The following PTCH1 variants were observed in gnomAD, a reference collection of about 807,000 sequenced individuals.
PTCH1 encodes protein patched homolog 1.
In PTCH1, 14 loss-of-function variants were observed where a neutral mutation model predicts 144.6. That is an observed-to-expected ratio of 0.10 (90% CI 0.06 to 0.15). The LOEUF (loss-of-function observed/expected upper bound fraction) is 0.15. PTCH1 is among the 10% of genes least tolerant of loss of function. PTCH1 has a pLI of 1.00. For missense variants in PTCH1, 1,623 were observed against 1,948.3 expected, an observed-to-expected ratio of 0.83 and a Z score of 3.14; for synonymous variants, 833 against 793.6, an observed-to-expected ratio of 1.05 and a Z score of -0.83.
rs751024812 is a variant in PTCH1, at chr9:95,485,818, C to A, written c.451G>T (p.Ala151Ser). 3.7e-6 allele frequency: 6 copies of A among 1,614,066 alleles called. No individual in the cohort carries two copies. The highest frequency in any genetic ancestry group is 3.3e-5 in the Admixed American group (2 of 60,004). The part of the protein sequence containing the change: ...NYTRQKIGEE[A>S]MFNPQLMIQT... The stretch of plus-strand genomic sequence containing the variant: ...ATCATGAGTTGAGGATTAAACATAG[C>A]CTCTTCTCCAATCTTCTGGCGAGTA... Residue 151 changes from alanine to serine, a missense_variant, in exon 3 of 24, where the codon GCT becomes TCT. Ala to Ser is a moderately conservative substitution (Grantham distance 99, BLOSUM62 1). Around this residue, in one of 7 missense-constraint regions of PTCH1, gnomAD observed 245 missense variants for 240.6 expected, o/e 1.02. Transcript: ENST00000331920.
At chr9:95,486,885 CCA>C in intron 2 of PTCH1, among the ~76,000 whole-genome samples, 1 of 152,306 alleles carries the variant, frequency 6.6e-6, no homozygotes, top group South Asian at 2.1e-4. Context: ...CTCCCCCACT[CCA>C]CAGTCTAGGG....
intron 19 of PTCH1, among the ~76,000 whole-genome samples, chr9:95,455,640 A>G (rs1838844572): frequency 6.6e-6 from 1 of 152,230 alleles, no homozygotes; most frequent in Non-Finnish European, 1.5e-5. Flanking sequence ...ATAGAGAAAA[A>G]GAGAGGGAAA....
At position 95,506,421 on chromosome 9, in the gene PTCH1, T is replaced by G; in HGVS notation, c.380A>C (p.Glu127Ala). ...KAANLETNVE[E>A]LWVEVGGRVS... ...GGCGCTCTTACCTTCCACCCACAGC[T>G]CCTCCACGTTGGTCTCGAGGTTCGC... The change falls in exon 2 of 24, where the codon GAG becomes GCG. Residue 127 changes from glutamate to alanine, a missense_variant. Around this residue, in one of 7 missense-constraint regions of PTCH1, gnomAD observed 245 missense variants for 240.6 expected, o/e 1.02. Transcript: ENST00000331920. 6.2e-7 allele frequency: 1 copy of G among 1,610,532 alleles called. No homozygotes were observed. Among genetic ancestry groups the G allele is most frequent in the Non-Finnish European group, 8.5e-7 (1 of 1,179,054 alleles).
intron 2 of PTCH1, among the ~76,000 whole-genome samples, chr9:95,490,558 A>ACACACACACAC (rs1564069064): frequency 7.7e-6 from 1 of 129,524 alleles, no homozygotes; most frequent in South Asian, 2.3e-4. Flanking sequence ...CACACACACA[A>ACACACACACAC]AAGAAAGATA....
Position 95,508,901 on chromosome 9 carries a change from G to T in PTCH1, c.-540C>A. ...GAGCCGCCGCCGCCGCGGGGTCCGA[G>T]GGTGCCCGGCGGGTCTCAGCGCTGC... On this transcript the variant is annotated 5_prime_UTR_variant, in exon 1 of 24. Coordinates refer to ENST00000331920, the MANE Select transcript of PTCH1 (RefSeq NM_000264.5). The T allele has an allele frequency of 1.1e-6, 1 of 896,916 alleles. No homozygotes were observed. Among genetic ancestry groups the T allele is most frequent in the Non-Finnish European group, 1.3e-6 (1 of 749,854 alleles). 55.6% of individuals were successfully genotyped at this position (896,916 alleles called of 1,614,324 possible). A position where few individuals can be genotyped will look rare whatever the true frequency, so the allele number is the denominator to read the frequency against.
In PTCH1 at chr9:95,507,107, G is replaced by A. The variant is rs547842800; in HGVS notation, c.202-508C>T. On this transcript the variant is annotated intron_variant, in intron 1 of 23. Coordinates refer to ENST00000331920, the MANE Select transcript of PTCH1 (RefSeq NM_000264.5). Reference sequence around the variant, plus strand: ...CCCAACTGGACCCCCGCCGAGAATGGTAGTAAGTGGGGATCCACGTGGTGA... The same window carrying A: ...CCCAACTGGACCCCCGCCGAGAATGATAGTAAGTGGGGATCCACGTGGTGA... The A allele has an allele frequency of 2.2e-4, 215 of 985,024 alleles. 1 individual carries two copies. In the South Asian group the frequency reaches 9.1e-3, roughly 42 times the overall value. 61.0% of individuals were successfully genotyped at this position (985,024 alleles called of 1,614,324 possible).
intron 19 of PTCH1, 106 bp downstream of exon 19, chr9:95,456,170 C>T: frequency 6.5e-7 from 1 of 1,534,266 alleles, no homozygotes; most frequent in Non-Finnish European, 8.8e-7. Flanking sequence ...GAGGCCTTTT[C>T]ACTGCCACGC....
chr9:95,504,752 C>A (rs1362292824), intron 2 of PTCH1, among the ~76,000 whole-genome samples: 1 of 152,132 alleles, frequency 6.6e-6, no homozygotes, highest in Non-Finnish European at 1.5e-5. Context: ...CAGTTCTCTC[C>A]CCCCACCCCC....
At chr9:95,467,013 G>A in intron 15 of PTCH1, 103 bp downstream of exon 15, 1 of 1,271,698 alleles carries the variant, frequency 7.9e-7, no homozygotes, top group Non-Finnish European at 1.1e-6. Flanking sequence ...AAACACGTCA[G>A]TGTTACATTC....
intron 2 of PTCH1, among the ~76,000 whole-genome samples, chr9:95,493,643 T>A (rs1465350508): frequency 1.3e-5 from 2 of 152,192 alleles, no homozygotes; most frequent in African/African-American, 4.8e-5. Flanking sequence ...ATCCCATGAA[T>A]TATCTAACAG....
chr9:95,468,870 G>C lies in PTCH1; in HGVS notation c.2131C>G (p.Leu711Val), dbSNP rs769694112. Residue 711 changes from leucine to valine, a missense_variant, in exon 14 of 24, where the codon CTG (leucine) becomes GTG (valine). By Grantham distance (32) the Leu-to-Val change is conservative. Transcript: ENST00000331920. ...SPESTSSTRD[L>V]LSQFSDSSLH... ...CTGGAGTCGGAGAACTGGGAGAGCA[G>C]GTCCCTTGTGGAGCTGGTGCTCTCT... The C allele has an allele frequency of 6.2e-7, 1 of 1,614,168 alleles. No individual in the cohort carries two copies.
chr9:95,485,570 C>T, intron 3 of PTCH1, 115 bp downstream of exon 3: 1 of 1,235,462 alleles, frequency 8.1e-7, no homozygotes, highest in Non-Finnish European at 1.2e-6. Context: ...TGAACTAATA[C>T]TCCAGGTGCA....
intron 12 of PTCH1, among the ~76,000 whole-genome samples, chr9:95,471,327 C>T (rs1227834617): frequency 6.6e-6 from 1 of 152,178 alleles, no homozygotes; most frequent in Non-Finnish European, 1.5e-5. Flanking sequence ...TAATTAATTC[C>T]CTCTCAAGAG....
In PTCH1 at chr9:95,449,234, G is replaced by A. The variant is rs761797443; in HGVS notation, c.3639C>T (p.His1213=). ...SVVRFAMPPG[H]THSGSDSSDS... is the part of the protein sequence containing the mutation. ...CGGAGGAATCAGACCCGCTGTGCGT[G>A]TGGCCGGGCGGCATGGCGAAGCGGA... Residue 1213 remains histidine, a synonymous_variant, in exon 22 of 24, where the codon CAC becomes CAT. Coordinates refer to ENST00000331920, the MANE Select transcript of PTCH1 (RefSeq NM_000264.5). This position sits in a 1 kb window ranked among gnomAD's most constrained non-coding sequence, Gnocchi z 5.3. 37 of 1,587,468 alleles carry A rather than the reference G, an allele frequency of 2.3e-5. No homozygotes were observed. Among genetic ancestry groups the A allele is most frequent in the Middle Eastern group, 1.7e-4 (1 of 6,050 alleles).
intron 22 of PTCH1, among the ~76,000 whole-genome samples, 159 bp downstream of exon 22, chr9:95,448,910 T>C (rs1309162957): frequency 6.6e-6 from 1 of 152,224 alleles, no homozygotes; most frequent in Non-Finnish European, 1.5e-5. Context: ...AAGAGTTAAA[T>C]ACTGGTTATT....
chr9:95,478,207 G>T, intron 8 of PTCH1, 21 bp from the exon 9 acceptor site: 1 of 1,614,112 alleles, frequency 6.2e-7, no homozygotes, highest in South Asian at 1.1e-5. Flanking sequence ...AACAGAATGC[G>T]AAATGCCCAA....
In PTCH1 at chr9:95,491,854, G is replaced by A. The variant is rs138841093; in HGVS notation, c.395-5980C>T. 3.3e-5 allele frequency among the ~76,000 whole-genome samples: 5 copies of A among 152,236 alleles called. No individual in the cohort carries two copies. The East Asian group carries it at 9.6e-4, about 29-fold the overall frequency. On this transcript the variant is annotated intron_variant, in intron 2 of 23. Coordinates refer to ENST00000331920, the MANE Select transcript of PTCH1 (RefSeq NM_000264.5). ...ATGTAATCAGTCACAGTCAAAACAG[G>A]CTCACAACCATGAAGATGACATGTT...
rs774845486 is a variant in PTCH1, at chr9:95,485,904, T to C, written c.395-30A>G. On this transcript the variant is annotated intron_variant, in intron 2 of 23. Transcript: ENST00000331920. Reference sequence around the variant, plus strand: ...CAAATATGTACAGGTTTAATTAGAATAGCAAAATCACTGCAAACTCATGTT... The same window carrying C: ...CAAATATGTACAGGTTTAATTAGAACAGCAAAATCACTGCAAACTCATGTT... 5 of 1,612,262 alleles carry C rather than the reference T, an allele frequency of 3.1e-6. No individual in the cohort carries two copies. In the Admixed American group the frequency reaches 6.7e-5, roughly 21 times the overall value.
At chr9:95,500,293 A>G (rs906887524) in intron 2 of PTCH1, among the ~76,000 whole-genome samples, 1 of 152,218 alleles carries the variant, frequency 6.6e-6, no homozygotes, top group Non-Finnish European at 1.5e-5. Context: ...CGCAGGGTCA[A>G]CTGCCCTGTG....
Sources: gnomAD v4.1 joint callset for allele counts (sites outside exome capture counted in the v4.1 genomes callset) on GRCh38, gnomAD v4.1.1 for gene constraint, gnomAD v4.1.1 regional missense constraint, Gnocchi (gnomAD v3.1) non-coding constraint, MANE v1.5 for transcripts, NCBI Gene and HGNC (gene_info 2026-07-23, HGNC 2026-07-21) for gene names.